LIG1: variants seen among roughly 807,000 people sequenced by gnomAD.
The protein encoded by LIG1 is ligase I, DNA, ATP-dependent.
LIG1 carries 70 observed loss-of-function variants against 115.7 expected under a neutral mutation model. The observed-to-expected ratio is 0.60, with a 90% confidence interval of 0.50 to 0.74. The LOEUF (loss-of-function observed/expected upper bound fraction) is 0.74, where lower values mean the gene tolerates loss of function less well. Among genes scored for constraint, LIG1 ranks in the 30% least tolerant of loss-of-function variants. The pLI is 0.00. For synonymous variants in LIG1, 487 were observed against 495.3 expected (o/e 0.98, Z 0.22); for missense variants, 1,115 against 1,225.6 (o/e 0.91, Z 1.35).
At chr19:48,153,452 T>C (rs1224706216) in intron 6 of LIG1, among the ~76,000 whole-genome samples, 1 of 151,804 alleles carries the variant, frequency 6.6e-6, no homozygotes, top group Non-Finnish European at 1.5e-5. Context: ...AAATAGCAAA[T>C]AAAAATGGGA....
intron 26 of LIG1, among the ~76,000 whole-genome samples, chr19:48,116,431 G>C (rs931563519): frequency 1.5e-5 from 2 of 131,098 alleles, no homozygotes; most frequent in South Asian, 4.9e-4. Flanking sequence ...CTGGGTGACA[G>C]AGCGAGACTC....
intron 5 of LIG1, among the ~76,000 whole-genome samples, chr19:48,155,434 T>C (rs987757092): frequency 6.6e-6 from 1 of 152,112 alleles, no homozygotes; most frequent in Admixed American, 6.6e-5. Flanking sequence ...CGTGCCCTTC[T>C]TGTCTGAAAT....
chr19:48,115,623 T>C lies in LIG1; in HGVS notation c.*26A>G, dbSNP rs543270154. ...TGGGGTCCGTCCAACTCATGCCCTG[T>C]ACCCAGGCCCTAGGAGGGCGAGGGC... On this transcript the variant is annotated 3_prime_UTR_variant, in exon 28 of 28. Transcript: ENST00000263274. 51 of 1,543,788 alleles carry C rather than the reference T, an allele frequency of 3.3e-5. No individual in the cohort carries two copies. In the South Asian group the frequency reaches 5.4e-4, roughly 16 times the overall value.
At chr19:48,136,926 T>C (rs981760620) in intron 14 of LIG1, 82 bp downstream of exon 14, 18 of 1,124,636 alleles carry the variant, frequency 1.6e-5, no homozygotes, top group Non-Finnish European at 2.0e-5. Flanking sequence ...GCATTTGTGA[T>C]GATTCCAGCT....
intron 11 of LIG1, among the ~76,000 whole-genome samples, chr19:48,140,440 G>C (rs2034668327): frequency 6.6e-6 from 1 of 152,160 alleles, no homozygotes; most frequent in South Asian, 2.1e-4. Context: ...CCTGGGCATA[G>C]GCAGAACTAA....
intron 4 of LIG1, among the ~76,000 whole-genome samples, chr19:48,159,219 A>G (rs1373015556): frequency 1.3e-5 from 2 of 152,140 alleles, no homozygotes; most frequent in Non-Finnish European, 2.9e-5. Flanking sequence ...CTGGGACTAC[A>G]GGCCCGTGCC....
At chr19:48,140,192 T>G in intron 11 of LIG1, 49 bp from the exon 12 acceptor site, 1 of 1,527,876 alleles carries the variant, frequency 6.5e-7, no homozygotes, top group Non-Finnish European at 9.0e-7. Context: ...AAGGTCAAAG[T>G]GTGGTGTCGG....
At chr19:48,117,262 C>T (rs774067737) in intron 26 of LIG1, among the ~76,000 whole-genome samples, 6 of 151,958 alleles carry the variant, frequency 3.9e-5, no homozygotes, top group Non-Finnish European at 8.8e-5. Flanking sequence ...CAGGTTCAAG[C>T]GATTCTCCTG....
rs761679526 is a variant in LIG1, at chr19:48,115,932, G to C, written c.2617C>G (p.Pro873Ala). Residue 873 changes from proline (P) to alanine (A), a missense_variant, in exon 27 of 28, where the codon CCT (proline) becomes GCT (alanine). By Grantham distance (27) the Pro-to-Ala change is conservative. Coordinates refer to ENST00000263274, the MANE Select transcript of LIG1 (RefSeq NM_000234.3). ...DSDKGISLRFPRFIRVREDKQ... is the reference protein window; with the variant it reads ...DSDKGISLRFARFIRVREDKQ... ...TCTTCACGGACTCGAATAAACCGAG[G>C]GAAGCGAAGGGAGATGCCCTTGTCA... is the stretch of plus-strand genomic sequence containing the variant. The C allele has an allele frequency of 6.2e-7, 1 of 1,614,016 alleles. No individual in the cohort carries two copies. The highest frequency in any genetic ancestry group is 1.1e-5 in the South Asian group (1 of 91,082).
chr19:48,159,875 G>A lies in LIG1; in HGVS notation c.243+1497C>T, dbSNP rs577609172. 7.9e-5 allele frequency among the ~76,000 whole-genome samples: 12 copies of A among 152,126 alleles called. No homozygotes were observed. In the East Asian group the frequency reaches 2.1e-3, roughly 27 times the overall value. On this transcript the variant is annotated intron_variant, in intron 4 of 27. Coordinates refer to ENST00000263274, the MANE Select transcript of LIG1 (RefSeq NM_000234.3). ...TGGGACTACAGGCGCCCGCCACCACGCCCAGCTAATTTTTTGTATTTTTGA... is the reference window on the plus strand; with the variant it reads ...TGGGACTACAGGCGCCCGCCACCACACCCAGCTAATTTTTTGTATTTTTGA...
Position 48,165,592 on chromosome 19 carries a change from G to A in LIG1, c.-26C>T. On this transcript the variant is annotated 5_prime_UTR_variant, in exon 2 of 28. Transcript: ENST00000263274. Reference sequence around the variant, plus strand: ...GTTGGCGTCAGAATTCTCCCTTCCTGTCCAGCACTTTTCTTCGTCTGTCAG... The same window carrying A: ...GTTGGCGTCAGAATTCTCCCTTCCTATCCAGCACTTTTCTTCGTCTGTCAG... 3.7e-6 allele frequency: 6 copies of A among 1,613,816 alleles called. No individual in the cohort carries two copies. The highest frequency in any genetic ancestry group is 1.7e-5 in the Admixed American group (1 of 59,960).
chr19:48,128,315 C>T (rs1296177420), intron 19 of LIG1, among the ~76,000 whole-genome samples: 1 of 152,122 alleles, frequency 6.6e-6, no homozygotes, highest in Non-Finnish European at 1.5e-5. Context: ...CTAAGCCGTC[C>T]ACTTCCCACC....
chr19:48,168,418 A>C lies in LIG1; in HGVS notation c.-58+1823T>G, dbSNP rs116069400. 8.1e-3 allele frequency among the ~76,000 whole-genome samples: 1,234 copies of C among 152,298 alleles called. 17 individuals are homozygous for C. The highest frequency in any genetic ancestry group is 0.028 in the African/African-American group (1,179 of 41,560). On this transcript the variant is annotated intron_variant, in intron 1 of 27. Coordinates refer to ENST00000263274, the MANE Select transcript of LIG1 (RefSeq NM_000234.3). ...CCAAAGCCCACGTTCCTTTCTCCTT[A>C]CCACGGTACTCAAGGCTGGCTTCTC... is the stretch of plus-strand genomic sequence containing the variant.
intron 1 of LIG1, chr19:48,169,817 C>CGCCCCT (rs980662732): frequency 5.2e-5 from 8 of 154,164 alleles, no homozygotes; most frequent in African/African-American, 1.2e-4. Flanking sequence ...TCCCCGGCCC[C>CGCCCCT]GCCCCTTAGC....
At chr19:48,136,259 A>C (rs1409407263) in intron 14 of LIG1, 134 bp from the exon 15 acceptor site, 15 of 669,470 alleles carry the variant, frequency 2.2e-5, no homozygotes, top group Non-Finnish European at 3.9e-5. Flanking sequence ...CAGAGCCTGG[A>C]AGGGACCCCA....
At chr19:48,169,285 G>A (rs1195817219) in intron 1 of LIG1, among the ~76,000 whole-genome samples, 1 of 152,102 alleles carries the variant, frequency 6.6e-6, no homozygotes, top group Non-Finnish European at 1.5e-5. Context: ...GAATCAAGCT[G>A]CACGGGCACA....
intron 25 of LIG1, chr19:48,118,457 C>G (rs560341215): frequency 6.4e-6 from 1 of 156,402 alleles, no homozygotes. Flanking sequence ...GCTCCTCTTT[C>G]GCCTTCTGCC....
chr19:48,167,446 C>T (rs951909675), intron 1 of LIG1, among the ~76,000 whole-genome samples: 3 of 151,956 alleles, frequency 2.0e-5, no homozygotes, highest in Admixed American at 6.6e-5. Context: ...CTCTCTGTCC[C>T]GCACCACACG....
intron 7 of LIG1, 143 bp from the exon 8 acceptor site, chr19:48,150,353 G>A (rs1445955556): frequency 7.7e-7 from 1 of 1,296,492 alleles, no homozygotes; most frequent in Non-Finnish European, 1.1e-6. Context: ...TTAGCTTTGA[G>A]CTGAGATCTC....
Sources: allele counts gnomAD v4.1 joint callset (sites outside exome capture counted in the v4.1 genomes callset), GRCh38; gene constraint gnomAD v4.1.1; transcripts MANE v1.5; gene names NCBI Gene and HGNC (gene_info 2026-07-23, HGNC 2026-07-21).